Variants in ATPAF1 observed in about 807,000 individuals in gnomAD.
ATPAF1 encodes the protein homolog of yeast ATP11.
In ATPAF1, 26 loss-of-function variants were observed where a neutral mutation model predicts 43.9. The ratio of observed to expected loss-of-function variants is 0.59; its 90% CI spans 0.43 to 0.82. ATPAF1 has a LOEUF of 0.82. Ranked by LOEUF, ATPAF1 falls within the 40% of genes least tolerant of loss-of-function variation. The probability of loss-of-function intolerance (pLI) is 0.00; values close to 1 mark genes in which losing one functional copy is unlikely to be tolerated. For synonymous variants in ATPAF1, 157 were observed against 168.0 expected (o/e 0.93, Z 0.50); for missense variants, 366 against 435.0 (o/e 0.84, Z 1.41).
At chr1:46,643,652 C>G (rs1383285421) in intron 7 of ATPAF1, among the ~76,000 whole-genome samples, 1 of 152,212 alleles carries the variant, frequency 6.6e-6, no homozygotes, top group Non-Finnish European at 1.5e-5. Context: ...GTAATTGCCA[C>G]TTTCATGGAC....
At chr1:46,665,602 G>C (rs774256471) in intron 1 of ATPAF1, 2 of 1,441,596 alleles carry the variant, frequency 1.4e-6, no homozygotes, top group East Asian at 2.5e-5. Context: ...TCTTTTGCAG[G>C]CTGTTCCCTA....
chr1:46,655,744 T>C (rs1676259633), intron 4 of ATPAF1, among the ~76,000 whole-genome samples: 1 of 152,170 alleles, frequency 6.6e-6, no homozygotes, highest in African/African-American at 2.4e-5. Context: ...ACCTCCCAAA[T>C]TCTTCCTGTA....
At chr1:46,656,862 C>G (rs1331643167) in intron 4 of ATPAF1, among the ~76,000 whole-genome samples, 5 of 152,206 alleles carry the variant, frequency 3.3e-5, no homozygotes, top group African/African-American at 4.8e-5. Flanking sequence ...CTGATCTGAT[C>G]CGTTTTGCGG....
intron 4 of ATPAF1, among the ~76,000 whole-genome samples, chr1:46,654,970 C>T (rs1676242484): frequency 6.6e-6 from 1 of 152,106 alleles, no homozygotes; most frequent in African/African-American, 2.4e-5. Flanking sequence ...GTTTAAGTGA[C>T]TCACAGTTCC....
At chr1:46,639,512 A>T (rs1437649408) in intron 8 of ATPAF1, among the ~76,000 whole-genome samples, 1 of 152,228 alleles carries the variant, frequency 6.6e-6, no homozygotes, top group Non-Finnish European at 1.5e-5. Flanking sequence ...ATTGACATAG[A>T]TGTGGAGCCA....
At chr1:46,655,983 G>A (rs189691917) in intron 4 of ATPAF1, among the ~76,000 whole-genome samples, 1 of 152,322 alleles carries the variant, frequency 6.6e-6, no homozygotes, top group African/African-American at 2.4e-5. Context: ...GGTATCTGCT[G>A]TGTTGTCACC....
upstream of ATPAF1, chr1:46,668,382 C>T: frequency 1.7e-6 from 2 of 1,203,650 alleles, no homozygotes; most frequent in Non-Finnish European, 2.1e-6. The surrounding 1 kb of genome is among the most constrained non-coding windows in gnomAD (Gnocchi z 4.4). Context: ...GGCCCGCGCG[C>T]CCGCTCCATC....
chr1:46,666,948 G>A (rs1676500945), intron 1 of ATPAF1, among the ~76,000 whole-genome samples: 1 of 152,232 alleles, frequency 6.6e-6, no homozygotes, highest in South Asian at 2.1e-4. Context: ...AGATGCTTGT[G>A]TGTAAAACAG....
At chr1:46,633,801 A>C (rs1344159494), downstream of ATPAF1, 8 of 456,172 alleles carry the variant, frequency 1.8e-5, no homozygotes, top group Non-Finnish European at 3.5e-5. Flanking sequence ...GTATCAATGT[A>C]CTATGTATGG....
In ATPAF1 at chr1:46,668,333, G is replaced by GCCTCCTCCT; in HGVS notation, c.-20_-12dup. 1 of 1,353,976 alleles carries GCCTCCTCCT rather than the reference G, an allele frequency of 7.4e-7. No individual in the cohort carries two copies. Among genetic ancestry groups the GCCTCCTCCT allele is most frequent in the Non-Finnish European group, 9.5e-7 (1 of 1,048,768 alleles). 83.9% of individuals were successfully genotyped at this position (1,353,976 alleles called of 1,614,324 possible). ...CACCACAGCAGCCATGGCCGCCCCC[G>GCCTCCTCCT]CCTCCTCCTCCTCCTCAGGCGCGTC... On this transcript the variant is annotated 5_prime_UTR_variant, in exon 1 of 9. Transcript: ENST00000574428. The surrounding 1 kb of genome is among the most constrained non-coding windows in gnomAD (Gnocchi z 4.4).
At chr1:46,634,096 A>G (rs1252900941), downstream of ATPAF1, 2 of 334,154 alleles carry the variant, frequency 6.0e-6, no homozygotes, top group Admixed American at 8.7e-5. Flanking sequence ...CTCTCAATAC[A>G]TAGACTCAAA....
downstream of ATPAF1, chr1:46,634,048 A>G (rs1569582064): frequency 2.8e-6 from 1 of 352,094 alleles, no homozygotes; most frequent in East Asian, 7.5e-5. Flanking sequence ...TAGTGAAAGG[A>G]TAGCAGCTTC....
chr1:46,644,393 TAATA>T (rs1160881730), intron 7 of ATPAF1, among the ~76,000 whole-genome samples: 2 of 152,194 alleles, frequency 1.3e-5, no homozygotes, highest in Admixed American at 1.3e-4. Flanking sequence ...TTAAATGACA[TAATA>T]TATATAAAAC....
rs1228275542 is a variant in ATPAF1, at chr1:46,653,002, T to C, written c.541-374A>G. Among the ~76,000 whole-genome samples, 1 of 152,088 alleles carries C rather than the reference T, an allele frequency of 6.6e-6. No homozygotes were observed. The highest frequency in any genetic ancestry group is 2.4e-5 in the African/African-American group (1 of 41,408). On this transcript the variant is annotated intron_variant, in intron 5 of 8. Transcript: ENST00000574428. The surrounding 1 kb of genome is among the most constrained non-coding windows in gnomAD (Gnocchi z 4.8). ...ACTCTTCTTCTGGCTGTTGAATTCA[T>C]GTAGGATAAGGGTATATATATATGA... is the stretch of plus-strand genomic sequence containing the variant.
chr1:46,658,053 G>A, intron 4 of ATPAF1, 74 bp downstream of exon 4: 1 of 1,427,180 alleles, frequency 7.0e-7, no homozygotes, highest in Non-Finnish European at 9.8e-7. Flanking sequence ...AGAGGTGTCA[G>A]AAAATGTACT....
chr1:46,648,873 C>T (rs12047537), intron 6 of ATPAF1, among the ~76,000 whole-genome samples: 40,392 of 151,542 alleles, frequency 0.27, 5,710 homozygotes, highest in East Asian at 0.49. Context: ...CAGCTACTCA[C>T]GAGGCTGAGG....
intron 4 of ATPAF1, among the ~76,000 whole-genome samples, chr1:46,655,586 A>G (rs549944710): frequency 6.6e-6 from 1 of 152,234 alleles, no homozygotes; most frequent in Non-Finnish European, 1.5e-5. Flanking sequence ...TAGATGTAGC[A>G]TATATGCAAT....
At chr1:46,665,422 CA>C (rs1676472926) in intron 1 of ATPAF1, 58 bp from the exon 2 acceptor site, 2 of 1,531,600 alleles carry the variant, frequency 1.3e-6, no homozygotes, top group African/African-American at 1.4e-5. Context: ...TCTAAAATAA[CA>C]AAGCATCACT....
intron 8 of ATPAF1, among the ~76,000 whole-genome samples, chr1:46,641,678 G>A (rs896249616): frequency 6.6e-6 from 1 of 152,172 alleles, no homozygotes; most frequent in Non-Finnish European, 1.5e-5. Flanking sequence ...AAACAAGGGA[G>A]ATTTGGTGAG....
Sources: gnomAD v4.1 joint callset for allele counts (sites outside exome capture counted in the v4.1 genomes callset) on GRCh38, gnomAD v4.1.1 for gene constraint, Gnocchi (gnomAD v3.1) non-coding constraint, MANE v1.5 for transcripts, NCBI Gene and HGNC (gene_info 2026-07-23, HGNC 2026-07-21) for gene names.